SLC9C1: variants seen among roughly 807,000 people sequenced by gnomAD.
SLC9C1 encodes the protein solute carrier family 9 member C1.
SLC9C1 carries 97 observed loss-of-function variants against 140.9 expected under a neutral mutation model. The ratio of observed to expected loss-of-function variants is 0.69; its 90% confidence interval spans 0.58 to 0.82. The LOEUF is 0.82. Among genes scored for constraint, SLC9C1 ranks in the 40% least tolerant of loss-of-function variants. The pLI is 0.00. For missense variants in SLC9C1, 1,340 were observed against 1,389.3 expected, an observed-to-expected ratio of 0.96 and a Z score of 0.56; for synonymous variants, 440 against 442.6, an observed-to-expected ratio of 0.99 and a Z score of 0.07.
At chr3:112,205,391 C>T (rs369948869) in intron 16 of SLC9C1, among the ~76,000 whole-genome samples, 11 of 149,676 alleles carry the variant, frequency 7.3e-5, no homozygotes, top group African/African-American at 1.5e-4. Flanking sequence ...CACTGCTCAA[C>T]GAAATAAAAG....
At position 112,264,335 on chromosome 3, in the gene SLC9C1, G is replaced by A. The variant is rs1246087031; in HGVS notation, c.887C>T (p.Thr296Ile). Residue 296 changes from threonine (T) to isoleucine (I), a missense_variant, in exon 9 of 29, where the codon ACT becomes ATT. Coordinates refer to ENST00000305815, the MANE Select transcript of SLC9C1 (RefSeq NM_183061.3). The stretch of plus-strand genomic sequence containing the variant: ...GAGAAAAGCAATACGTGATAGAAAA[G>A]TCCAGAATCTGCATCATTCAGAAAA... ...IEETLLLEFWTFLSRIAFLMV... is the reference protein window; with the variant it reads ...IEETLLLEFWIFLSRIAFLMV... 2.1e-6 allele frequency: 3 copies of A among 1,453,252 alleles called. No homozygotes were observed. The South Asian group carries it at 4.6e-5, about 22-fold the overall frequency. The allele number at this position is 1,453,252 out of a possible 1,614,324, so 90.0% of individuals were successfully genotyped here.
At chr3:112,254,746 T>C (rs2079556410) in intron 10 of SLC9C1, among the ~76,000 whole-genome samples, 2 of 152,042 alleles carry the variant, frequency 1.3e-5, no homozygotes, top group East Asian at 1.9e-4. Context: ...ATATCAATAA[T>C]AACCTTGACT....
chr3:112,217,488 G>A lies in SLC9C1; in HGVS notation c.1744C>T (p.Leu582Phe). ...TTTCTGGTATTATACACCCAATTAA[G>A]TAGTAGTTTTCTAGCAAAGGTAACT... Reference protein sequence around the residue: ...KTVTFARKLLLNWVYNTRKEK... With the variant: ...KTVTFARKLLFNWVYNTRKEK... Residue 582 changes from leucine (L) to phenylalanine (F), a missense_variant, in exon 15 of 29, where the codon CTT becomes TTT. By Grantham distance (22) the Leu-to-Phe change is conservative. Transcript: ENST00000305815. 1 of 1,610,474 alleles carries A rather than the reference G, an allele frequency of 6.2e-7. No homozygotes were observed.
chr3:112,260,948 T>C (rs1057477396), intron 10 of SLC9C1, among the ~76,000 whole-genome samples: 1 of 152,080 alleles, frequency 6.6e-6, no homozygotes, highest in Non-Finnish European at 1.5e-5. Context: ...CTTCCCTCCA[T>C]GATACCCTGC....
chr3:112,286,564 T>C (rs527493096), intron 2 of SLC9C1, 140 bp downstream of exon 2: 94 of 623,404 alleles, frequency 1.5e-4, no homozygotes, highest in Non-Finnish European at 2.3e-4. Context: ...TGGATTCATT[T>C]GATTGAAAAT....
intron 2 of SLC9C1, among the ~76,000 whole-genome samples, chr3:112,284,931 T>G (rs183093528): frequency 6.6e-6 from 1 of 151,348 alleles, no homozygotes; most frequent in Admixed American, 6.6e-5. Context: ...AAAGTTTTAT[T>G]AAGTATACTA....
At chr3:112,190,481 C>A (rs1255586591) in intron 20 of SLC9C1, among the ~76,000 whole-genome samples, 1 of 152,104 alleles carries the variant, frequency 6.6e-6, no homozygotes, top group African/African-American at 2.4e-5. Flanking sequence ...TCCAGAATGG[C>A]TGTGCTGACT....
rs192773891 is a variant in SLC9C1, at chr3:112,242,063, A to C, written c.1279+1932T>G. Among the ~76,000 whole-genome samples the C allele has an allele frequency of 6.2e-4, 95 of 152,298 alleles. 1 individual carries two copies. The highest frequency in any genetic ancestry group is 1.7e-3 in the African/African-American group (69 of 41,572). The stretch of plus-strand genomic sequence containing the variant: ...AGAAATAATTTTTGGCTAAGTCCCC[A>C]AAAAAATTGTAACAAAACAAAAATT... On this transcript the variant is annotated intron_variant, in intron 11 of 28. Coordinates refer to ENST00000305815, the MANE Select transcript of SLC9C1 (RefSeq NM_183061.3).
chr3:112,147,113 T>C (rs1482735425), intron 28 of SLC9C1, among the ~76,000 whole-genome samples: 2 of 152,216 alleles, frequency 1.3e-5, no homozygotes, highest in East Asian at 3.8e-4. Flanking sequence ...ATAAAAATAG[T>C]GACCCCTGCT....
At chr3:112,200,678 A>T (rs1278466517) in intron 19 of SLC9C1, 33 bp downstream of exon 19, 4 of 1,588,068 alleles carry the variant, frequency 2.5e-6, no homozygotes, top group Admixed American at 1.8e-5. Flanking sequence ...ATGATAAGAG[A>T]TGGTCATGCT....
chr3:112,281,661 T>C (rs1443803596), intron 2 of SLC9C1, among the ~76,000 whole-genome samples: 2 of 152,240 alleles, frequency 1.3e-5, no homozygotes, highest in Admixed American at 6.5e-5. Flanking sequence ...CAGAACATAA[T>C]TTGTCATATT....
chr3:112,243,777 G>A (rs2079201006), intron 11 of SLC9C1, among the ~76,000 whole-genome samples: 1 of 151,352 alleles, frequency 6.6e-6, no homozygotes, highest in Non-Finnish European at 1.5e-5. Flanking sequence ...TGCAGCATCA[G>A]CCTCCTGGGT....
chr3:112,293,339 G>A (rs1002880476), intron 1 of SLC9C1, among the ~76,000 whole-genome samples: 14 of 152,090 alleles, frequency 9.2e-5, no homozygotes, highest in African/African-American at 3.1e-4. Context: ...TGTGTGTGGA[G>A]GAAATTAATG....
At chr3:112,238,917 A>T (rs1167053646) in intron 12 of SLC9C1, among the ~76,000 whole-genome samples, 1 of 152,194 alleles carries the variant, frequency 6.6e-6, no homozygotes, top group Non-Finnish European at 1.5e-5. Flanking sequence ...GACCCACTTG[A>T]GGAGGCAGTC....
rs1416856876 is a variant in SLC9C1, at chr3:112,292,508, T to A, written c.-88+1585A>T. Among the ~76,000 whole-genome samples, 7 of 152,170 alleles carry A rather than the reference T, an allele frequency of 4.6e-5. No homozygotes were observed. In the East Asian group the frequency reaches 1.3e-3, roughly 29 times the overall value. On this transcript the variant is annotated intron_variant, in intron 1 of 28. Transcript: ENST00000305815. The stretch of plus-strand genomic sequence containing the variant: ...TTACTGTAGCTTAATATGTTAAATG[T>A]ATGGGTAAGGAAATAGCTATGAGAA...
At chr3:112,207,866 A>G (rs1203351670) in intron 16 of SLC9C1, among the ~76,000 whole-genome samples, 2 of 152,178 alleles carry the variant, frequency 1.3e-5, no homozygotes, top group Admixed American at 6.6e-5. Context: ...AAATAATAAA[A>G]TGAACCTTCA....
At chr3:112,246,320 A>G (rs2079282933) in intron 10 of SLC9C1, among the ~76,000 whole-genome samples, 1 of 152,160 alleles carries the variant, frequency 6.6e-6, no homozygotes, top group African/African-American at 2.4e-5. Context: ...CTTCACCTGC[A>G]CCATTAAAAA....
chr3:112,240,155 T>C, intron 11 of SLC9C1, 149 bp from the exon 12 acceptor site: 1 of 753,738 alleles, frequency 1.3e-6, no homozygotes, highest in Non-Finnish European at 2.0e-6. Context: ...ACTAAAGAGT[T>C]AAACATTTTC....
At chr3:112,230,408 A>T (rs182598694) in intron 13 of SLC9C1, among the ~76,000 whole-genome samples, 145 of 152,276 alleles carry the variant, frequency 9.5e-4, no homozygotes, top group Admixed American at 2.0e-3. Context: ...CTCTGTGTTA[A>T]CTTAGTCATT....
Sources: gnomAD v4.1 joint callset for allele counts (sites outside exome capture counted in the v4.1 genomes callset) on GRCh38, gnomAD v4.1.1 for gene constraint, MANE v1.5 for transcripts, NCBI Gene and HGNC (gene_info 2026-07-23, HGNC 2026-07-21) for gene names.